The following MICAL3 variants were observed in gnomAD, a reference collection of about 807,000 sequenced individuals.
MICAL3 encodes the protein [F-actin]-monooxygenase MICAL3.
MICAL3 carries 62 observed loss-of-function variants against 207.4 expected under a neutral mutation model. That is an observed-to-expected ratio of 0.30 (90% CI 0.24 to 0.37). The LOEUF (loss-of-function observed/expected upper bound fraction) is 0.37. Ranked by LOEUF, MICAL3 falls within the 10% of genes least tolerant of loss-of-function variation. The pLI is 1.00. For synonymous variants in MICAL3, 1,077 were observed against 1,069.3 expected, an observed-to-expected ratio of 1.01 and a Z score of -0.14; for missense variants, 2,368 against 2,635.6, an observed-to-expected ratio of 0.90 and a Z score of 2.22.
chr22:17,947,824 A>T (rs2146350923), intron 1 of MICAL3, among the ~76,000 whole-genome samples: 1 of 152,280 alleles, frequency 6.6e-6, no homozygotes, highest in African/African-American at 2.4e-5. Context: ...TCAGCCTCCC[A>T]ATGTGCTGGG....
intron 18 of MICAL3, among the ~76,000 whole-genome samples, chr22:17,865,399 A>G (rs1926981699): frequency 6.6e-6 from 1 of 152,250 alleles, no homozygotes; most frequent in Non-Finnish European, 1.5e-5. Flanking sequence ...AGACAGGTGG[A>G]GAAGCCACCC....
At chr22:17,885,304 T>C (rs1163928676) in intron 16 of MICAL3, among the ~76,000 whole-genome samples, 1 of 152,122 alleles carries the variant, frequency 6.6e-6, no homozygotes, top group East Asian at 1.9e-4. Flanking sequence ...CATCCAACAC[T>C]AGAGCAACAG....
At chr22:17,904,934 C>T (rs1316215105) in intron 2 of MICAL3, 95 bp from the exon 3 acceptor site, 7 of 899,036 alleles carry the variant, frequency 7.8e-6, no homozygotes, top group South Asian at 7.3e-5. Context: ...CCTAAAGCCC[C>T]GAAATAGGGC....
At chr22:17,792,341 C>T (rs1341578150) in intron 29 of MICAL3, among the ~76,000 whole-genome samples, 1 of 152,212 alleles carries the variant, frequency 6.6e-6, no homozygotes, top group Non-Finnish European at 1.5e-5. Context: ...CAGAGCAAAC[C>T]ATTTGATGCA....
intron 16 of MICAL3, chr22:17,879,399 A>G (rs779914127): frequency 1.2e-6 from 2 of 1,611,888 alleles, no homozygotes; most frequent in Admixed American, 3.4e-5. Context: ...AGATCCCTGT[A>G]TGTCTGTTGG....
chr22:17,798,879 T>C (rs1455624458), intron 29 of MICAL3, among the ~76,000 whole-genome samples: 1 of 151,932 alleles, frequency 6.6e-6, no homozygotes, highest in Non-Finnish European at 1.5e-5. Context: ...TTCACCATGT[T>C]AGCCAGGATG....
intron 1 of MICAL3, among the ~76,000 whole-genome samples, chr22:17,967,514 C>G (rs1935205798): frequency 1.3e-5 from 2 of 148,484 alleles, no homozygotes; most frequent in Non-Finnish European, 3.0e-5. Context: ...CCACTCATGC[C>G]TACAGCATGG....
At chr22:17,985,702 G>A (rs115642890) in intron 1 of MICAL3, among the ~76,000 whole-genome samples, 1 of 152,056 alleles carries the variant, frequency 6.6e-6, no homozygotes, top group Non-Finnish European at 1.5e-5. Flanking sequence ...AAAATCATCA[G>A]GTAACTCACC....
intron 1 of MICAL3, among the ~76,000 whole-genome samples, chr22:17,916,361 C>T (rs185004898): frequency 6.6e-6 from 1 of 152,246 alleles, no homozygotes; most frequent in Admixed American, 6.5e-5. Context: ...CCTCCCTCAC[C>T]CCACTGAACT....
intron 17 of MICAL3, among the ~76,000 whole-genome samples, chr22:17,869,191 CAATGCT>C (rs1927471923): frequency 6.6e-6 from 1 of 152,156 alleles, no homozygotes; most frequent in African/African-American, 2.4e-5. Flanking sequence ...GGTGGACACG[CAATGCT>C]CTCTCCACCT....
In MICAL3 at chr22:17,818,336, C is replaced by A; in HGVS notation, c.4325G>T (p.Ser1442Ile). 6.3e-7 allele frequency: 1 copy of A among 1,589,260 alleles called. No individual in the cohort carries two copies. The highest frequency in any genetic ancestry group is 8.5e-7 in the Non-Finnish European group (1 of 1,170,814). Residue 1442 changes from serine (S) to isoleucine (I), a missense_variant, in exon 26 of 32, where the codon AGC (serine) becomes ATC (isoleucine). Transcript: ENST00000441493. Reference protein sequence around the residue: ...GSSSNMKTLGSQSFNTSDSAM... With the variant: ...GSSSNMKTLGIQSFNTSDSAM... ...GGAGTCCGAGGTGTTGAAGCTCTGG[C>A]TGCCCAGTGTCTTCATGTTGGAGGA...
intron 1 of MICAL3, among the ~76,000 whole-genome samples, chr22:18,000,548 C>T (rs1922840200): frequency 6.6e-6 from 1 of 152,216 alleles, no homozygotes; most frequent in East Asian, 1.9e-4. Context: ...GTGCCGCATG[C>T]CAGGCGGAGG....
chr22:17,955,847 T>A (rs980393721), intron 1 of MICAL3, among the ~76,000 whole-genome samples: 2 of 152,196 alleles, frequency 1.3e-5, no homozygotes, highest in Non-Finnish European at 2.9e-5. Flanking sequence ...TGCTGAGGAT[T>A]GGACCGGGAA....
chr22:17,861,269 A>T, intron 19 of MICAL3: 1 of 985,426 alleles, frequency 1.0e-6, no homozygotes, highest in Non-Finnish European at 1.2e-6. Context: ...TCAGGATCCG[A>T]ACTATGGAAC....
At chr22:17,863,090 A>T in intron 19 of MICAL3, 1 of 985,396 alleles carries the variant, frequency 1.0e-6, no homozygotes, top group Non-Finnish European at 1.2e-6. Flanking sequence ...TTCTCTATGG[A>T]AAGCGTAATT....
rs2061879314 is a variant in MICAL3 at position 17,796,636 on chromosome 22, A to G, written c.5651-5335T>C. Among the ~76,000 whole-genome samples the G allele has an allele frequency of 6.6e-6, 1 of 152,218 alleles. No individual in the cohort carries two copies. The highest frequency in any genetic ancestry group is 2.1e-4 in the South Asian group (1 of 4,832). On this transcript the variant is annotated intron_variant, in intron 29 of 31. Transcript: ENST00000441493. The surrounding 1 kb of genome is among the most constrained non-coding windows in gnomAD (Gnocchi z 4.4). ...GCTGGCGTCTCAGGCAGCTCAAGGA[A>G]GAGCAGTCCCACAGACCCTGATCAG... is the stretch of plus-strand genomic sequence containing the variant.
chr22:17,945,158 A>G (rs543153348), intron 1 of MICAL3, among the ~76,000 whole-genome samples: 4 of 152,110 alleles, frequency 2.6e-5, no homozygotes, highest in Admixed American at 2.6e-4. Context: ...CCAGGAAAAA[A>G]GCCTCAAGTC....
chr22:17,862,233 C>A (rs1288832133), intron 19 of MICAL3: 2 of 985,240 alleles, frequency 2.0e-6, no homozygotes. Flanking sequence ...ATTCTGGGAC[C>A]CTGAAACACC....
Position 17,818,070 on chromosome 22 carries a change from C to T in MICAL3, c.4591G>A (p.Asp1531Asn), listed in dbSNP as rs1467482825. The T allele has an allele frequency of 1.2e-6, 2 of 1,613,166 alleles. No homozygotes were observed. The highest frequency in any genetic ancestry group is 1.7e-6 in the Non-Finnish European group (2 of 1,179,782). The change falls in exon 26 of 32, where the codon GAC becomes AAC. Residue 1531 changes from aspartate (D) to asparagine (N), a missense_variant. Asp to Asn is a conservative substitution (Grantham distance 23, BLOSUM62 1). Coordinates refer to ENST00000441493, the MANE Select transcript of MICAL3 (RefSeq NM_015241.3). ...AGGCTTGAGTCCTCAGTCTTGTCGT[C>T]ATAGGTGTCCTCCACATCATCAGCA... ...PFADDVEDTY[D>N]DKTEDSSLQE...
Sources: allele counts gnomAD v4.1 joint callset (sites outside exome capture counted in the v4.1 genomes callset), GRCh38; gene constraint gnomAD v4.1.1; non-coding constraint Gnocchi (gnomAD v3.1); transcripts MANE v1.5; gene names NCBI Gene and HGNC (gene_info 2026-07-23, HGNC 2026-07-21).